Variants in SGCZ observed in about 807,000 individuals in gnomAD.
SGCZ encodes sarcoglycan zeta, also known as zeta-sarcoglycan.
SGCZ carries 40 observed loss-of-function variants against 41.3 expected under a neutral mutation model. That is an observed-to-expected ratio of 0.97 (90% CI 0.75 to 1.26). The LOEUF (loss-of-function observed/expected upper bound fraction) is 1.26. Among genes scored for constraint, SGCZ ranks in the 50% most tolerant of loss-of-function variants. SGCZ has a pLI of 0.00. For missense variants in SGCZ, 552 were observed against 369.8 expected (o/e 1.49, Z -4.04); for synonymous variants, 206 against 137.5 (o/e 1.50, Z -3.49).
chr8:14,699,402 A>G (rs1392581559), intron 1 of SGCZ, among the ~76,000 whole-genome samples: 2 of 151,784 alleles, frequency 1.3e-5, no homozygotes, highest in Admixed American at 1.3e-4. Flanking sequence ...GCTAGGGATA[A>G]CTGACTACCA....
At chr8:14,618,554 G>A (rs886510480) in intron 1 of SGCZ, among the ~76,000 whole-genome samples, 1 of 152,128 alleles carries the variant, frequency 6.6e-6, no homozygotes, top group African/African-American at 2.4e-5. Flanking sequence ...TAACAAGAGT[G>A]GAAATAGGTC....
intron 5 of SGCZ, among the ~76,000 whole-genome samples, chr8:14,150,882 T>C (rs1051035215): frequency 4.6e-5 from 7 of 152,160 alleles, no homozygotes; most frequent in Non-Finnish European, 8.8e-5. Context: ...TCAACGTGGA[T>C]GGAACTGGAG....
At chr8:15,015,651 G>A (rs1254612669) in intron 1 of SGCZ, among the ~76,000 whole-genome samples, 2 of 131,022 alleles carry the variant, frequency 1.5e-5, no homozygotes, top group African/African-American at 2.9e-5. Context: ...TCACGCCACT[G>A]CACTCCAGCG....
At chr8:14,416,753 C>G (rs1008081861) in intron 2 of SGCZ, among the ~76,000 whole-genome samples, 1 of 151,802 alleles carries the variant, frequency 6.6e-6, no homozygotes, top group African/African-American at 2.4e-5. Context: ...GCTTGCAGAT[C>G]TTATTGATGT....
At chr8:14,250,186 A>G (rs1213770504) in intron 3 of SGCZ, among the ~76,000 whole-genome samples, 1 of 152,204 alleles carries the variant, frequency 6.6e-6, no homozygotes, top group East Asian at 1.9e-4. Context: ...ATGGACTTCC[A>G]AAAAGCTCCC....
intron 2 of SGCZ, among the ~76,000 whole-genome samples, chr8:14,519,803 C>T (rs921549136): frequency 6.6e-6 from 1 of 151,986 alleles, no homozygotes; most frequent in Non-Finnish European, 1.5e-5. Flanking sequence ...TTCATTGTTA[C>T]ACTTTCTAAC....
At chr8:14,326,306 A>T (rs1802113541) in intron 2 of SGCZ, among the ~76,000 whole-genome samples, 1 of 151,850 alleles carries the variant, frequency 6.6e-6, no homozygotes, top group African/African-American at 2.4e-5. Flanking sequence ...GAGGGAATAT[A>T]ATGGCCTAAC....
intron 1 of SGCZ, among the ~76,000 whole-genome samples, chr8:14,687,334 TCC>T (rs1017122950): frequency 5.4e-4 from 57 of 106,028 alleles, no homozygotes; most frequent in African/African-American, 4.0e-3. Flanking sequence ...CCTAAAGCTA[TCC>T]CTCCCCCCTC....
intron 1 of SGCZ, among the ~76,000 whole-genome samples, chr8:14,873,705 A>T (rs1804248017): frequency 1.3e-5 from 2 of 152,174 alleles, no homozygotes; most frequent in Admixed American, 1.3e-4. Flanking sequence ...TTGGAAGTCC[A>T]TGAGTAACCC....
intron 1 of SGCZ, among the ~76,000 whole-genome samples, chr8:15,164,797 T>G (rs1190389509): frequency 6.6e-6 from 1 of 152,172 alleles, no homozygotes; most frequent in Non-Finnish European, 1.5e-5. Flanking sequence ...TGGTTAGTGC[T>G]GCAAGCCTCC....
intron 1 of SGCZ, among the ~76,000 whole-genome samples, chr8:14,603,174 T>C (rs1762592424): frequency 6.6e-6 from 1 of 152,264 alleles, no homozygotes; most frequent in African/African-American, 2.4e-5. Context: ...CCTTCGTTCT[T>C]GAAGACCACT....
intron 1 of SGCZ, among the ~76,000 whole-genome samples, chr8:14,848,514 T>C (rs1803209650): frequency 6.6e-6 from 1 of 152,154 alleles, no homozygotes. Context: ...GACATATTGA[T>C]CAATAGAAGA....
At chr8:14,100,561 T>TA (rs112209792) in intron 7 of SGCZ, among the ~76,000 whole-genome samples, 1 of 134,174 alleles carries the variant, frequency 7.5e-6, no homozygotes, top group Non-Finnish European at 1.6e-5. Flanking sequence ...ATTAATATAT[T>TA]ATATATTAAT....
At chr8:14,221,494 G>T (rs894013011) in intron 4 of SGCZ, among the ~76,000 whole-genome samples, 11 of 152,158 alleles carry the variant, frequency 7.2e-5, no homozygotes, top group African/African-American at 2.7e-4. Flanking sequence ...CTGAACCAAT[G>T]CACTGAAATA....
intron 1 of SGCZ, among the ~76,000 whole-genome samples, chr8:14,596,778 G>C (rs1454647276): frequency 1.3e-5 from 2 of 152,056 alleles, no homozygotes; most frequent in Non-Finnish European, 2.9e-5. Flanking sequence ...CATGGCACAT[G>C]TATACCTATG....
chr8:14,347,361 A>C (rs1237426972), intron 2 of SGCZ, among the ~76,000 whole-genome samples: 3 of 152,130 alleles, frequency 2.0e-5, no homozygotes, highest in Non-Finnish European at 4.4e-5. Context: ...TTGCCACAAA[A>C]CTAGTGTTGA....
At chr8:15,195,648 T>C (rs894907820) in intron 1 of SGCZ, among the ~76,000 whole-genome samples, 1 of 152,186 alleles carries the variant, frequency 6.6e-6, no homozygotes, top group Non-Finnish European at 1.5e-5. Context: ...GAAATACTTC[T>C]ATAAGGCAAC....
intron 4 of SGCZ, among the ~76,000 whole-genome samples, chr8:14,199,502 A>G (rs1805386247): frequency 6.6e-6 from 1 of 152,132 alleles, no homozygotes; most frequent in Non-Finnish European, 1.5e-5. Flanking sequence ...CTTGTGAAGC[A>G]TGTGATCTCT....
chr8:14,870,799 T>TC (rs1804120084), intron 1 of SGCZ, among the ~76,000 whole-genome samples: 1 of 151,970 alleles, frequency 6.6e-6, no homozygotes, highest in Non-Finnish European at 1.5e-5. Context: ...AGAAGACATT[T>TC]ATGCAGCAAA....
Sources: allele counts gnomAD v4.1 joint callset (sites outside exome capture counted in the v4.1 genomes callset), GRCh38; gene constraint gnomAD v4.1.1; transcripts MANE v1.5; gene names NCBI Gene and HGNC (gene_info 2026-07-23, HGNC 2026-07-21).